Variants in ELOVL6 observed in about 807,000 individuals in gnomAD.
ELOVL6 encodes the protein ELOVL fatty acid elongase 6, also known as very long chain fatty acid elongase 6.
In ELOVL6, 8 loss-of-function variants were observed where a neutral mutation model predicts 31.7. The observed-to-expected ratio is 0.25, with a 90% CI of 0.15 to 0.45. The LOEUF is 0.45. Ranked by LOEUF, ELOVL6 falls within the 20% of genes least tolerant of loss-of-function variation. The pLI is 1.00. For synonymous variants in ELOVL6, 101 were observed against 117.7 expected, an observed-to-expected ratio of 0.86 and a Z score of 0.92; for missense variants, 126 against 326.4, an observed-to-expected ratio of 0.39 and a Z score of 4.73.
intron 2 of ELOVL6, among the ~76,000 whole-genome samples, chr4:110,085,709 A>T (rs1756244782): frequency 6.6e-6 from 1 of 152,094 alleles, no homozygotes; most frequent in Non-Finnish European, 1.5e-5. Context: ...CAGATTTCCA[A>T]ACTTCACCAC....
intron 1 of ELOVL6, among the ~76,000 whole-genome samples, chr4:110,145,986 T>C (rs1192516536): frequency 2.6e-5 from 4 of 152,022 alleles, no homozygotes; most frequent in African/African-American, 9.7e-5. Flanking sequence ...TTTCACAAAA[T>C]TGGAAAAAAA....
chr4:110,141,353 G>A (rs960219102), intron 1 of ELOVL6, among the ~76,000 whole-genome samples: 18 of 152,202 alleles, frequency 1.2e-4, no homozygotes, highest in South Asian at 2.1e-4. Context: ...ATAAGCCACC[G>A]TGCCCGGCTG....
intron 1 of ELOVL6, among the ~76,000 whole-genome samples, chr4:110,163,639 T>C (rs1308605623): frequency 6.6e-6 from 1 of 152,188 alleles, no homozygotes; most frequent in Non-Finnish European, 1.5e-5. Context: ...CACAACTGAC[T>C]TTAATATGAG....
intron 1 of ELOVL6, among the ~76,000 whole-genome samples, chr4:110,139,212 T>C (rs1757888591): frequency 6.6e-6 from 1 of 152,168 alleles, no homozygotes; most frequent in Non-Finnish European, 1.5e-5. Flanking sequence ...AGAAGAAATT[T>C]CAGCTGTTTT....
At chr4:110,163,711 C>A (rs1758693003) in intron 1 of ELOVL6, among the ~76,000 whole-genome samples, 1 of 152,132 alleles carries the variant, frequency 6.6e-6, no homozygotes, top group Admixed American at 6.6e-5. Context: ...AAGTTCAAAA[C>A]CTTAAAAGGT....
chr4:110,094,438 T>TATATAA (rs1553957094), intron 2 of ELOVL6, among the ~76,000 whole-genome samples: 1,345 of 55,266 alleles, frequency 0.024, 36 homozygotes, highest in East Asian at 0.061. Context: ...TATATATATA[T>TATATAA]ATATAATATA....
chr4:110,137,600 C>G (rs1471455150), intron 1 of ELOVL6, among the ~76,000 whole-genome samples: 1 of 152,096 alleles, frequency 6.6e-6, no homozygotes, highest in Non-Finnish European at 1.5e-5. Flanking sequence ...AGGTAAAAAG[C>G]TAATGCTCAG....
chr4:110,078,977 T>A (rs1452110200), intron 2 of ELOVL6, among the ~76,000 whole-genome samples: 1 of 151,968 alleles, frequency 6.6e-6, no homozygotes, highest in East Asian at 1.9e-4. Context: ...CCAACAAAGA[T>A]CAAAAGAGAC....
intron 1 of ELOVL6, among the ~76,000 whole-genome samples, chr4:110,166,385 G>A (rs930534753): frequency 6.6e-6 from 1 of 152,168 alleles, no homozygotes; most frequent in East Asian, 1.9e-4. Context: ...GGCCAAGGCA[G>A]GTGGATCACG....
chr4:110,094,407 A>T (rs1232705178), intron 2 of ELOVL6, among the ~76,000 whole-genome samples: 1 of 33,186 alleles, frequency 3.0e-5, no homozygotes, highest in African/African-American at 1.7e-4. Flanking sequence ...AAAAAGAAAT[A>T]TATATATATA....
intron 1 of ELOVL6, among the ~76,000 whole-genome samples, chr4:110,178,615 G>C (rs2126276694): frequency 6.6e-6 from 1 of 151,734 alleles, no homozygotes; most frequent in Admixed American, 6.6e-5. Context: ...CCAGCACTTT[G>C]AGAGGCCAAG....
Position 110,139,397 on chromosome 4 carries a change from C to T in ELOVL6, c.90-33769G>A, listed in dbSNP as rs1469779719. Among the ~76,000 whole-genome samples the T allele has an allele frequency of 3.3e-5, 5 of 152,086 alleles. No homozygotes were observed. The East Asian group carries it at 7.7e-4, about 23-fold the overall frequency. ...TAGATAATCACAGTGACCTCAGTAA[C>T]TTTCCTTCTCTTATTTAAGTTTATT... On this transcript the variant is annotated intron_variant, in intron 1 of 3. Coordinates refer to ENST00000302274, the MANE Select transcript of ELOVL6 (RefSeq NM_024090.3).
At chr4:110,087,862 CAAAG>C (rs1486935050) in intron 2 of ELOVL6, among the ~76,000 whole-genome samples, 6 of 150,372 alleles carry the variant, frequency 4.0e-5, no homozygotes, top group Non-Finnish European at 8.9e-5. Flanking sequence ...TACTTCCAAT[CAAAG>C]AGATTTCTGG....
At chr4:110,161,137 A>G (rs980019669) in intron 1 of ELOVL6, among the ~76,000 whole-genome samples, 2 of 152,194 alleles carry the variant, frequency 1.3e-5, no homozygotes, top group African/African-American at 2.4e-5. Context: ...AAAAGACTGG[A>G]AAAAAACACA....
At chr4:110,120,488 G>A (rs1315186027) in intron 1 of ELOVL6, among the ~76,000 whole-genome samples, 2 of 152,076 alleles carry the variant, frequency 1.3e-5, no homozygotes, top group East Asian at 1.9e-4. Context: ...ATATCCATGG[G>A]TTGCAGCTCT....
At chr4:110,105,315 G>A (rs1756855357) in intron 2 of ELOVL6, among the ~76,000 whole-genome samples, 182 bp downstream of exon 2, 1 of 152,126 alleles carries the variant, frequency 6.6e-6, no homozygotes. Flanking sequence ...AATATATAAG[G>A]TTGAATACAT....
At chr4:110,160,087 T>C (rs1216799822) in intron 1 of ELOVL6, among the ~76,000 whole-genome samples, 1 of 151,792 alleles carries the variant, frequency 6.6e-6, no homozygotes, top group East Asian at 1.9e-4. Context: ...GAGGGTTTGC[T>C]TACAACTTAC....
Position 110,051,235 on chromosome 4 carries a change from T to A in ELOVL6, c.*103A>T. On this transcript the variant is annotated 3_prime_UTR_variant, in exon 4 of 4. Transcript: ENST00000302274. This position sits in a 1 kb window ranked among gnomAD's most constrained non-coding sequence, Gnocchi z 4.8. ...TTGGGTTTTGTGTTTGCTCATGTTT[T>A]GTTTTGTTTTAGCTGCACCACGTGT... The A allele has an allele frequency of 8.2e-7, 1 of 1,226,698 alleles. No homozygotes were observed. The allele number at this position is 1,226,698 out of a possible 1,614,324, so 76.0% of individuals were successfully genotyped here.
At chr4:110,132,044 C>CTGGA (rs776502767) in intron 1 of ELOVL6, among the ~76,000 whole-genome samples, 1 of 152,096 alleles carries the variant, frequency 6.6e-6, no homozygotes, top group Non-Finnish European at 1.5e-5. Flanking sequence ...GTTGAAGGAC[C>CTGGA]TGGACTCCTG....
Sources: gnomAD v4.1 joint callset for allele counts (sites outside exome capture counted in the v4.1 genomes callset) on GRCh38, gnomAD v4.1.1 for gene constraint, Gnocchi (gnomAD v3.1) non-coding constraint, MANE v1.5 for transcripts, NCBI Gene and HGNC (gene_info 2026-07-23, HGNC 2026-07-21) for gene names.